The following FBXO25 variants were observed in gnomAD, a reference collection of about 807,000 sequenced individuals.
FBXO25 encodes F-box only protein 25.
A neutral mutation model predicts 51.9 loss-of-function variants in FBXO25; 45 were observed. That is an observed-to-expected ratio of 0.87 (90% CI 0.68 to 1.11). The LOEUF (loss-of-function observed/expected upper bound fraction) is 1.11. FBXO25 is among the 50% of genes most tolerant of loss of function. FBXO25 has a pLI of 0.00. For missense variants in FBXO25, 507 were observed against 428.5 expected, an observed-to-expected ratio of 1.18 and a Z score of -1.62; for synonymous variants, 199 against 151.0, an observed-to-expected ratio of 1.32 and a Z score of -2.33.
rs754268767 is a variant in FBXO25, at chr8:475,985, T to G, written c.*7181T>G. ...GTTCTTGATCTTAAAGTCCTTTCAG[T>G]CTTATTGAATATGATGTTTACAGTG... On this transcript the variant is annotated 3_prime_UTR_variant, in exon 10 of 10. Coordinates refer to ENST00000350302, the MANE Select transcript of FBXO25 (RefSeq NM_183420.2). The G allele has an allele frequency of 6.6e-6, 1 of 152,154 alleles. No individual in the cohort carries two copies. The highest frequency in any genetic ancestry group is 1.5e-5 in the Non-Finnish European group (1 of 68,004). The allele number at this position is 152,154 out of a possible 1,614,324, so 9.4% of individuals were successfully genotyped here. A position where few individuals can be genotyped will look rare whatever the true frequency, so the allele number is the denominator to read the frequency against.
chr8:472,141 T>G lies in FBXO25; in HGVS notation c.*3337T>G, dbSNP rs1458832126. The G allele has an allele frequency of 6.6e-6, 1 of 152,236 alleles. No homozygotes were observed. The highest frequency in any genetic ancestry group is 1.5e-5 in the Non-Finnish European group (1 of 68,050). 9.4% of individuals were successfully genotyped at this position (152,236 alleles called of 1,614,324 possible). The stretch of plus-strand genomic sequence containing the variant: ...TGCGAGAGTGAACATCCTTGTCTTG[T>G]TCCTCATCTTAGGGGAAAGCTTTCA... On this transcript the variant is annotated 3_prime_UTR_variant, in exon 10 of 10. Transcript: ENST00000350302.
At chr8:416,273 G>A (rs1217315572) in intron 2 of FBXO25, among the ~76,000 whole-genome samples, 2 of 152,076 alleles carry the variant, frequency 1.3e-5, no homozygotes, top group East Asian at 3.9e-4. Flanking sequence ...TCTGATGTTC[G>A]GCTCCCTACA....
Position 428,892 on chromosome 8 carries a change from A to G in FBXO25, c.135-2449A>G, listed in dbSNP as rs568381546. ...CATTTCCTTTTTCAGACTGAATAAT[A>G]TTCCATATTGTGTATAGTGTACACC... On this transcript the variant is annotated intron_variant, in intron 2 of 9. Transcript: ENST00000350302. 4.3e-3 allele frequency among the ~76,000 whole-genome samples: 649 copies of G among 152,306 alleles called. 2 individuals carry two copies. Among genetic ancestry groups the G allele is most frequent in the African/African-American group, 0.015 (622 of 41,560 alleles).
At chr8:408,816 G>T (rs1042159034) in intron 1 of FBXO25, among the ~76,000 whole-genome samples, 1 of 152,172 alleles carries the variant, frequency 6.6e-6, no homozygotes, top group Non-Finnish European at 1.5e-5. Flanking sequence ...GTTAATCATT[G>T]TAGGCTGTCT....
At chr8:444,050 C>A (rs1419220509) in intron 5 of FBXO25, among the ~76,000 whole-genome samples, 1 of 152,094 alleles carries the variant, frequency 6.6e-6, no homozygotes, top group Non-Finnish European at 1.5e-5. Context: ...TTTCTCATCT[C>A]TAGAGCAGGG....
At position 475,827 on chromosome 8, in the gene FBXO25, T is replaced by C. The variant is rs1800625280; in HGVS notation, c.*7023T>C. 6.6e-6 allele frequency: 1 copy of C among 152,192 alleles called. No individual in the cohort carries two copies. The highest frequency in any genetic ancestry group is 6.5e-5 in the Admixed American group (1 of 15,278). The allele number at this position is 152,192 out of a possible 1,614,324, so 9.4% of individuals were successfully genotyped here. On this transcript the variant is annotated 3_prime_UTR_variant, in exon 10 of 10. Transcript: ENST00000350302. ...CTAGGATTTTCTACATATAAGATCA[T>C]GTCATCTGCAAACAGATAATTTTGC...
rs1489669607 is a variant in FBXO25, at chr8:469,979, G to C, written c.*1175G>C. ...GTCAAATTATAGTTTCTCCTGAGGC[G>C]ATGCAAATACCTGGGGCCTCTGCGA... is the stretch of plus-strand genomic sequence containing the variant. On this transcript the variant is annotated 3_prime_UTR_variant, in exon 10 of 10. Coordinates refer to ENST00000350302, the MANE Select transcript of FBXO25 (RefSeq NM_183420.2). 1 of 152,152 alleles carries C rather than the reference G, an allele frequency of 6.6e-6. No homozygotes were observed. Among genetic ancestry groups the C allele is most frequent in the African/African-American group, 2.4e-5 (1 of 41,428 alleles). The allele number at this position is 152,152 out of a possible 1,614,324, so 9.4% of individuals were successfully genotyped here.
chr8:416,448 C>T (rs1267198126), intron 2 of FBXO25, among the ~76,000 whole-genome samples: 3 of 152,234 alleles, frequency 2.0e-5, no homozygotes, highest in Non-Finnish European at 2.9e-5. Context: ...ATATTCCGAA[C>T]AGAGGCTTAT....
intron 7 of FBXO25, among the ~76,000 whole-genome samples, chr8:453,673 A>G (rs999101682): frequency 2.6e-5 from 4 of 152,114 alleles, no homozygotes; most frequent in African/African-American, 9.7e-5. Flanking sequence ...AGATGGGGTT[A>G]GAACAGAGCA....
Position 472,245 on chromosome 8 carries a change from C to T in FBXO25, c.*3441C>T, listed in dbSNP as rs1286551133. The stretch of plus-strand genomic sequence containing the variant: ...TAGGTTGGGGAGGTTCCCTTCTATT[C>T]CTAGTTTGTTTTTATCGTGAAAGGG... On this transcript the variant is annotated 3_prime_UTR_variant, in exon 10 of 10. Transcript: ENST00000350302. The T allele has an allele frequency of 2.6e-5, 4 of 152,140 alleles. No homozygotes were observed. Among genetic ancestry groups the T allele is most frequent in the African/African-American group, 9.7e-5 (4 of 41,440 alleles). The allele number at this position is 152,140 out of a possible 1,614,324, so 9.4% of individuals were successfully genotyped here.
At position 468,792 on chromosome 8, in the gene FBXO25, CTT is replaced by C; in HGVS notation, c.1066_1067del (p.Phe356GlnfsTer78). On this transcript the variant is annotated frameshift_variant, in exon 10 of 10. Coordinates refer to ENST00000350302, the MANE Select transcript of FBXO25 (RefSeq NM_183420.2). LOFTEE classifies it high-confidence loss of function. ...PVSPQHFIDL[F>X]KF ...TGTCTCCGCAGCACTTCATCGACCT[CTT>C]CAAGTTTTAAGGGCTGCCCCTGCCA... 1 of 1,614,004 alleles carries C rather than the reference CTT, an allele frequency of 6.2e-7. No individual in the cohort carries two copies. Among genetic ancestry groups the C allele is most frequent in the Non-Finnish European group, 8.5e-7 (1 of 1,180,000 alleles).
intron 2 of FBXO25, among the ~76,000 whole-genome samples, chr8:419,600 G>T (rs939881605): frequency 3.3e-5 from 5 of 152,078 alleles, no homozygotes; most frequent in Non-Finnish European, 5.9e-5. Flanking sequence ...TAGAAAACTA[G>T]ATGTGTATAT....
intron 7 of FBXO25, among the ~76,000 whole-genome samples, chr8:456,799 A>G (rs1025371305): frequency 6.6e-6 from 1 of 152,124 alleles, no homozygotes; most frequent in Non-Finnish European, 1.5e-5. Flanking sequence ...GCCCACTGGG[A>G]TGCATGAGAA....
intron 9 of FBXO25, chr8:467,672 C>T (rs1362850314): frequency 6.9e-6 from 11 of 1,598,254 alleles, no homozygotes; most frequent in Middle Eastern, 1.7e-4. Context: ...CCTTTTTTTC[C>T]CTCCCTTCAC....
chr8:419,573 C>G (rs1563065102), intron 2 of FBXO25, among the ~76,000 whole-genome samples: 2 of 152,090 alleles, frequency 1.3e-5, no homozygotes, highest in Non-Finnish European at 2.9e-5. Flanking sequence ...AAAGTGTAAT[C>G]TTGTCAGCAA....
At chr8:431,521 A>G (rs1224799349) in intron 3 of FBXO25, 77 bp downstream of exon 3, 2 of 737,920 alleles carry the variant, frequency 2.7e-6, no homozygotes, top group Admixed American at 3.0e-5. Flanking sequence ...ATGCTATCTT[A>G]TGAAATAAAA....
chr8:473,743 C>CTGTT lies in FBXO25; in HGVS notation c.*4940_*4941insGTTT, dbSNP rs10626750. 82,558 of 151,470 alleles carry CTGTT rather than the reference C, an allele frequency of 0.55. 22,671 individuals are homozygous for CTGTT. Among genetic ancestry groups the CTGTT allele is most frequent in the Middle Eastern group, 0.65 (189 of 292 alleles). 9.4% of individuals were successfully genotyped at this position (151,470 alleles called of 1,614,324 possible). On this transcript the variant is annotated 3_prime_UTR_variant, in exon 10 of 10. Coordinates refer to ENST00000350302, the MANE Select transcript of FBXO25 (RefSeq NM_183420.2). The stretch of plus-strand genomic sequence containing the variant: ...TTTCTTTGAAATGCTCTTGTTCTTC[C>CTGTT]TAAGTAAGGGAGAGCAAAAAAAATG...
intron 7 of FBXO25, among the ~76,000 whole-genome samples, chr8:452,465 T>A: frequency 6.6e-6 from 1 of 152,358 alleles, no homozygotes; most frequent in Admixed American, 6.5e-5. Flanking sequence ...AAGACACTTA[T>A]GCATGGCATG....
At chr8:425,023 G>T (rs1797385616) in intron 2 of FBXO25, among the ~76,000 whole-genome samples, 1 of 152,036 alleles carries the variant, frequency 6.6e-6, no homozygotes, top group African/African-American at 2.4e-5. Context: ...TTATAAAGTT[G>T]CCTGTAATGA....
Sources: allele counts gnomAD v4.1 joint callset (sites outside exome capture counted in the v4.1 genomes callset), GRCh38; gene constraint gnomAD v4.1.1; transcripts MANE v1.5; gene names NCBI Gene and HGNC (gene_info 2026-07-23, HGNC 2026-07-21).